NEDD9: variants seen among roughly 807,000 people sequenced by gnomAD.
NEDD9 encodes enhancer of filamentation 1.
In NEDD9, 26 loss-of-function variants were observed where a neutral mutation model predicts 76.6. The ratio of observed to expected loss-of-function variants is 0.34; its 90% CI spans 0.25 to 0.47. The LOEUF is 0.47. NEDD9 is among the 20% of genes least tolerant of loss of function. The pLI, the probability that NEDD9 is intolerant of heterozygous loss-of-function variation, is 1.00. For missense variants in NEDD9, 937 were observed against 1,058.5 expected (o/e 0.89, Z 1.59); for synonymous variants, 392 against 414.2 (o/e 0.95, Z 0.65).
At chr6:11,254,570 A>G (rs528487781) in intron 3 of NEDD9, among the ~76,000 whole-genome samples, 3 of 152,284 alleles carry the variant, frequency 2.0e-5, no homozygotes, top group African/African-American at 7.2e-5. Context: ...ATTTTGCTGC[A>G]CCTGTCACCC....
intron 3 of NEDD9, among the ~76,000 whole-genome samples, chr6:11,295,855 CTCAA>C (rs1760875950): frequency 6.6e-6 from 1 of 152,182 alleles, no homozygotes; most frequent in African/African-American, 2.4e-5. Flanking sequence ...TGTGGTGTTG[CTCAA>C]TCAAACTGTT....
At chr6:11,341,088 C>T (rs1762264394) in intron 1 of NEDD9, among the ~76,000 whole-genome samples, 2 of 152,182 alleles carry the variant, frequency 1.3e-5, no homozygotes, top group Non-Finnish European at 1.5e-5. Flanking sequence ...CCACAATCTT[C>T]TTTGGATTAT....
At chr6:11,214,310 C>A in intron 1 of NEDD9, 1 of 456,966 alleles carries the variant, frequency 2.2e-6, no homozygotes, top group South Asian at 1.6e-5. Context: ...AATCCACAAG[C>A]AAGGCATGTA....
chr6:11,378,138 G>A (rs368718074), intron 1 of NEDD9, among the ~76,000 whole-genome samples: 1 of 152,186 alleles, frequency 6.6e-6, no homozygotes, highest in Admixed American at 6.5e-5. Context: ...AGCTACTCAG[G>A]AGGCTGAGGC....
chr6:11,369,501 G>A (rs1022300944), intron 1 of NEDD9, among the ~76,000 whole-genome samples: 2 of 152,172 alleles, frequency 1.3e-5, no homozygotes, highest in African/African-American at 4.8e-5. Flanking sequence ...TGGCATGCAT[G>A]AGTGATTGTG....
intron 2 of NEDD9, among the ~76,000 whole-genome samples, chr6:11,204,280 T>A (rs1478764658): frequency 6.6e-6 from 1 of 152,202 alleles, no homozygotes; most frequent in Non-Finnish European, 1.5e-5. Context: ...ATTTACTACT[T>A]TTATAATTTC....
intron 3 of NEDD9, among the ~76,000 whole-genome samples, chr6:11,304,598 C>T (rs1255087415): frequency 2.6e-5 from 4 of 152,208 alleles, no homozygotes; most frequent in African/African-American, 9.7e-5. Context: ...AAATGTGGCA[C>T]ATATACACCA....
rs73721521 is a variant in NEDD9 at position 11,283,922 on chromosome 6, A to T, written c.12+22070T>A. Reference sequence around the variant, plus strand: ...GAGCCTTCCTGGGTTTGGAAATCATATCACAATATAAAACCAGTCTAGTAT... The same window carrying T: ...GAGCCTTCCTGGGTTTGGAAATCATTTCACAATATAAAACCAGTCTAGTAT... On this transcript the variant is annotated intron_variant, in intron 3 of 3. Transcript: ENST00000397378. Among the ~76,000 whole-genome samples the T allele has an allele frequency of 2.0e-5, 3 of 152,318 alleles. No individual in the cohort carries two copies. The East Asian group carries it at 5.8e-4, about 29-fold the overall frequency.
intron 2 of NEDD9, chr6:11,200,825 G>C: frequency 2.7e-6 from 4 of 1,495,320 alleles, no homozygotes; most frequent in Non-Finnish European, 3.5e-6. Flanking sequence ...GTTATCACCA[G>C]AGCAGCTCAA....
intron 2 of NEDD9, among the ~76,000 whole-genome samples, chr6:11,323,017 C>T (rs561765092): frequency 2.0e-5 from 3 of 151,844 alleles, no homozygotes; most frequent in African/African-American, 7.2e-5. Context: ...ATAGGAGATA[C>T]GCTGTTATGT....
intron 1 of NEDD9, among the ~76,000 whole-genome samples, chr6:11,222,088 A>G (rs904627755): frequency 6.6e-6 from 1 of 152,252 alleles, no homozygotes; most frequent in Non-Finnish European, 1.5e-5. Context: ...CACAAGTTAT[A>G]ACATCTGATA....
At chr6:11,324,087 C>T (rs937469609) in intron 2 of NEDD9, among the ~76,000 whole-genome samples, 1 of 152,190 alleles carries the variant, frequency 6.6e-6, no homozygotes, top group East Asian at 1.9e-4. Context: ...CCGGGGAGGG[C>T]ACTCAGTGCT....
chr6:11,339,508 A>G (rs1762231484), intron 1 of NEDD9, among the ~76,000 whole-genome samples: 1 of 152,190 alleles, frequency 6.6e-6, no homozygotes, highest in Non-Finnish European at 1.5e-5. Context: ...CATGTTTTAT[A>G]CAGGTGTGGC....
chr6:11,313,517 T>C (rs1046275942), intron 2 of NEDD9, among the ~76,000 whole-genome samples: 1 of 134,560 alleles, frequency 7.4e-6, no homozygotes, highest in Non-Finnish European at 1.6e-5. Context: ...AATAGATGGA[T>C]GGGTGGATGG....
chr6:11,251,533 G>T (rs1232242623), intron 3 of NEDD9: 1 of 152,164 alleles, frequency 6.6e-6, no homozygotes, highest in Non-Finnish European at 1.5e-5. Context: ...TCTCAGTTTT[G>T]GTTGTGAGAA....
At chr6:11,239,248 T>A (rs1759663797) in intron 3 of NEDD9, among the ~76,000 whole-genome samples, 1 of 152,230 alleles carries the variant, frequency 6.6e-6, no homozygotes. Flanking sequence ...TGCTTGGTAT[T>A]CCCTTACATG....
At position 11,185,220 on chromosome 6, in the gene NEDD9, T is replaced by C; in HGVS notation, c.2447A>G (p.Asp816Gly). 1 of 1,614,024 alleles carries C rather than the reference T, an allele frequency of 6.2e-7. No individual in the cohort carries two copies. The highest frequency in any genetic ancestry group is 8.5e-7 in the Non-Finnish European group (1 of 1,179,986). ...ALQEMVHQVT[D>G]LSRNAQLFKR... ...GAACAGCTGGGCATTTCTAGAAAGGTCTGTCACTTGGTGCACCATTTCCTG... is the reference window on the plus strand; with the variant it reads ...GAACAGCTGGGCATTTCTAGAAAGGCCTGTCACTTGGTGCACCATTTCCTG... The change falls in exon 7 of 7, where the codon GAC becomes GGC. Residue 816 changes from aspartate to glycine, a missense_variant. Coordinates refer to ENST00000379446, the MANE Select transcript of NEDD9 (RefSeq NM_006403.4).
At position 11,209,614 on chromosome 6, in the gene NEDD9, T is replaced by C. The variant is rs368462794; in HGVS notation, c.459+3667A>G. 1.8e-4 allele frequency among the ~76,000 whole-genome samples: 27 copies of C among 152,338 alleles called. 1 individual carries two copies. The highest frequency in any genetic ancestry group is 6.5e-4 in the African/African-American group (27 of 41,582). ...ATGCTAAGCACTGAGCCAGGGACTT[T>C]CTATGTATGCTTCTGTTTAATTCTC... On this transcript the variant is annotated intron_variant, in intron 2 of 6. Transcript: ENST00000379446.
chr6:11,244,065 T>A (rs1471219688), intron 3 of NEDD9, among the ~76,000 whole-genome samples: 1 of 152,160 alleles, frequency 6.6e-6, no homozygotes, highest in Non-Finnish European at 1.5e-5. Context: ...GTGGGCCTCA[T>A]CTAATCAGAT....
Sources: gnomAD v4.1 joint callset for allele counts (sites outside exome capture counted in the v4.1 genomes callset) on GRCh38, gnomAD v4.1.1 for gene constraint, MANE v1.5 for transcripts, NCBI Gene and HGNC (gene_info 2026-07-23, HGNC 2026-07-21) for gene names.